NR3C2: variants seen among roughly 807,000 people sequenced by gnomAD.
NR3C2 encodes mineralocorticoid receptor.
NR3C2 carries 15 observed loss-of-function variants against 86.4 expected under a neutral mutation model. The observed-to-expected ratio is 0.17, with a 90% CI of 0.12 to 0.27. The LOEUF (loss-of-function observed/expected upper bound fraction) is 0.27, where lower values mean the gene tolerates loss of function less well. NR3C2 is among the 10% of genes least tolerant of loss of function. The probability of loss-of-function intolerance (pLI) is 1.00; values close to 1 mark genes in which losing one functional copy is unlikely to be tolerated. For synonymous variants in NR3C2, 458 were observed against 450.5 expected (o/e 1.02, Z -0.21); for missense variants, 960 against 1,195.6 (o/e 0.80, Z 2.91).
intron 3 of NR3C2, among the ~76,000 whole-genome samples, chr4:148,213,515 T>C (rs943005009): frequency 2.6e-5 from 4 of 152,218 alleles, no homozygotes; most frequent in Non-Finnish European, 5.9e-5. Flanking sequence ...CTGAATTGAA[T>C]ACGTTTATCC....
rs72648708 is a variant in NR3C2 at position 148,080,598 on chromosome 4, C to CTTAT, written c.*742_*745dup. 2.3e-4 allele frequency: 36 copies of CTTAT among 158,174 alleles called. No individual in the cohort carries two copies. Among genetic ancestry groups the CTTAT allele is most frequent in the Admixed American group, 5.7e-4 (9 of 15,902 alleles). The allele number at this position is 158,174 out of a possible 1,614,324, so 9.8% of individuals were successfully genotyped here. A position where few individuals can be genotyped will look rare whatever the true frequency, so the allele number is the denominator to read the frequency against. On this transcript the variant is annotated 3_prime_UTR_variant, in exon 9 of 9. Coordinates refer to ENST00000358102, the MANE Select transcript of NR3C2 (RefSeq NM_000901.5). ...TCTCATTTACAAAAGATCCTTATACCTTATTTCAGGTCCTTCATAATTTAT... is the reference window on the plus strand; with the variant it reads ...TCTCATTTACAAAAGATCCTTATACCTTATTTATTTCAGGTCCTTCATAATTTAT...
intron 3 of NR3C2, among the ~76,000 whole-genome samples, chr4:148,212,390 T>G (rs1737327080): frequency 6.6e-6 from 1 of 152,204 alleles, no homozygotes; most frequent in Non-Finnish European, 1.5e-5. Context: ...ACCCTTAGTG[T>G]CTGAAGTTAG....
At chr4:148,350,856 A>G (rs967752989) in intron 2 of NR3C2, among the ~76,000 whole-genome samples, 1 of 152,218 alleles carries the variant, frequency 6.6e-6, no homozygotes, top group African/African-American at 2.4e-5. Context: ...TCAATCTTGC[A>G]TAAAATATCC....
chr4:148,317,805 A>G, intron 2 of NR3C2, among the ~76,000 whole-genome samples: 1 of 149,254 alleles, frequency 6.7e-6, no homozygotes, highest in East Asian at 2.0e-4. Flanking sequence ...AGTCTATCTC[A>G]TTTTTTTTTT....
intron 2 of NR3C2, among the ~76,000 whole-genome samples, chr4:148,301,389 T>C (rs1194954119): frequency 6.6e-6 from 1 of 152,192 alleles, no homozygotes; most frequent in East Asian, 1.9e-4. Flanking sequence ...CCCATCAAAA[T>C]GTAAATTTTT....
At chr4:148,294,860 T>C (rs2149912812) in intron 2 of NR3C2, among the ~76,000 whole-genome samples, 1 of 152,022 alleles carries the variant, frequency 6.6e-6, no homozygotes, top group Admixed American at 6.6e-5. Context: ...TGGTGGCACA[T>C]GCTTGTTGTC....
intron 3 of NR3C2, among the ~76,000 whole-genome samples, chr4:148,216,117 G>T (rs2149821765): frequency 6.6e-6 from 1 of 152,152 alleles, no homozygotes; most frequent in Admixed American, 6.5e-5. Flanking sequence ...AACCATAGAT[G>T]ATATATAAAT....
intron 3 of NR3C2, among the ~76,000 whole-genome samples, chr4:148,259,083 C>T (rs927301836): frequency 6.6e-6 from 1 of 152,150 alleles, no homozygotes; most frequent in Non-Finnish European, 1.5e-5. Context: ...TCTGGCAAAA[C>T]ACAGGGAAAA....
chr4:148,338,103 GAGTT>G (rs1435265664), intron 2 of NR3C2, among the ~76,000 whole-genome samples: 2 of 152,144 alleles, frequency 1.3e-5, no homozygotes, highest in Admixed American at 6.5e-5. Context: ...AGGTCATAGA[GAGTT>G]AGCACAATAT....
At chr4:148,167,952 C>T (rs1734953020) in intron 4 of NR3C2, among the ~76,000 whole-genome samples, 1 of 152,216 alleles carries the variant, frequency 6.6e-6, no homozygotes, top group Non-Finnish European at 1.5e-5. Flanking sequence ...ACCTGACAGC[C>T]CTGTGGCCAG....
chr4:148,196,456 A>G (rs1375289501), intron 3 of NR3C2, among the ~76,000 whole-genome samples: 1 of 152,160 alleles, frequency 6.6e-6, no homozygotes, highest in African/African-American at 2.4e-5. Flanking sequence ...GTGGGTGAGC[A>G]TAGACTGGAG....
intron 4 of NR3C2, among the ~76,000 whole-genome samples, chr4:148,180,244 AATTTTCTTCAAGT>A (rs1735585999): frequency 6.6e-6 from 1 of 151,766 alleles, no homozygotes; most frequent in Admixed American, 6.6e-5. Context: ...AGGTAAAGCC[AATTTTCTTCAAGT>A]AAAAAGATCT....
chr4:148,243,271 C>T (rs1273743570), intron 3 of NR3C2, among the ~76,000 whole-genome samples: 1 of 152,066 alleles, frequency 6.6e-6, no homozygotes. Flanking sequence ...TCAGGCAATC[C>T]TCTCCTGTTG....
chr4:148,440,254 A>C (rs1487649548), intron 1 of NR3C2, among the ~76,000 whole-genome samples: 1 of 152,206 alleles, frequency 6.6e-6, no homozygotes, highest in Non-Finnish European at 1.5e-5. Context: ...CTAGTATTTT[A>C]ATTAGTCTTT....
At chr4:148,132,385 A>G (rs1733081480) in intron 6 of NR3C2, among the ~76,000 whole-genome samples, 1 of 152,198 alleles carries the variant, frequency 6.6e-6, no homozygotes, top group South Asian at 2.1e-4. Flanking sequence ...GTGTCTAGAC[A>G]CCACACACTA....
Position 148,296,044 on chromosome 4 carries a change from C to CAAAAAAAAAAA in NR3C2, c.1758-35938_1758-35928dup, listed in dbSNP as rs529710200. Among the ~76,000 whole-genome samples, 10 of 73,934 alleles carry CAAAAAAAAAAA rather than the reference C, an allele frequency of 1.4e-4. 1 individual carries two copies. Among genetic ancestry groups the CAAAAAAAAAAA allele is most frequent in the Admixed American group, 1.7e-4 (1 of 5,800 alleles). 48.5% of individuals were successfully genotyped at this position (73,934 alleles called of 152,430 possible). A position where few individuals can be genotyped will look rare whatever the true frequency, so the allele number is the denominator to read the frequency against. On this transcript the variant is annotated intron_variant, in intron 2 of 8. Transcript: ENST00000358102. Reference sequence around the variant, plus strand: ...AGAGGTCCTTAATATGAGCTGAGGCCAAAAAAAAAAAAAAAAAAAAAAGAG... The same window carrying CAAAAAAAAAAA: ...AGAGGTCCTTAATATGAGCTGAGGCCAAAAAAAAAAAAAAAAAAAAAAAAAAAAAAAAAGAG...
chr4:148,227,656 G>C (rs185287891), intron 3 of NR3C2, among the ~76,000 whole-genome samples: 46 of 152,146 alleles, frequency 3.0e-4, no homozygotes, highest in African/African-American at 1.1e-3. Context: ...ACTGTAAGCT[G>C]TCCCTTTTTC....
At chr4:148,393,905 A>G (rs1188399778) in intron 2 of NR3C2, among the ~76,000 whole-genome samples, 2 of 152,042 alleles carry the variant, frequency 1.3e-5, no homozygotes, top group African/African-American at 2.4e-5. Flanking sequence ...CGAGGGGTCT[A>G]TTTCCCACCC....
rs1049576116 is a variant in NR3C2, at chr4:148,273,078, C to T, written c.1758-12961G>A. 3.3e-5 allele frequency among the ~76,000 whole-genome samples: 5 copies of T among 152,144 alleles called. No homozygotes were observed. In the South Asian group the frequency reaches 1.0e-3, roughly 32 times the overall value. On this transcript the variant is annotated intron_variant, in intron 2 of 8. Transcript: ENST00000358102. ...GTCATCAATACCACCTGACCACCCA[C>T]CACAAAGATATGAGTGAGCCTGGCC...
Sources: allele counts gnomAD v4.1 joint callset (sites outside exome capture counted in the v4.1 genomes callset), GRCh38; gene constraint gnomAD v4.1.1; transcripts MANE v1.5; gene names NCBI Gene and HGNC (gene_info 2026-07-23, HGNC 2026-07-21).